The following BARD1 variants were observed in gnomAD, a reference collection of about 807,000 sequenced individuals.
BARD1 encodes the protein BRCA1-associated RING domain protein 1.
Under a neutral mutation model 77.0 loss-of-function variants are expected in BARD1, and 73 were observed. The observed-to-expected ratio is 0.95, with a 90% confidence interval of 0.79 to 1.15. BARD1 has a LOEUF of 1.15. Among genes scored for constraint, BARD1 ranks in the 50% most tolerant of loss-of-function variants. The pLI is 0.00. For synonymous variants in BARD1, 384 were observed against 338.0 expected, an observed-to-expected ratio of 1.14 and a Z score of -1.49; for missense variants, 993 against 938.8, an observed-to-expected ratio of 1.06 and a Z score of -0.75.
In BARD1 at chr2:214,807,886, C is replaced by A. The variant is rs568576253; in HGVS notation, c.158+1526G>T. ...TTTCGTTGGACTATCAAGGTGTGAA[C>A]TATAATGCTTCTGTTATTGCAACTA... On this transcript the variant is annotated intron_variant, in intron 1 of 10. Transcript: ENST00000260947. Among the ~76,000 whole-genome samples the A allele has an allele frequency of 1.8e-4, 27 of 152,266 alleles. 1 individual carries two copies. In the South Asian group the frequency reaches 5.6e-3, roughly 32 times the overall value.
chr2:214,728,849 C>A lies in BARD1; in HGVS notation c.2161G>T (p.Ala721Ser), dbSNP rs554708247. Residue 721 changes from alanine (A) to serine (S), a missense_variant, in exon 11 of 11, where the codon GCA becomes TCA. Physicochemically the swap from Ala to Ser is moderately conservative, Grantham distance 99. Transcript: ENST00000260947. Reference protein sequence around the residue: ...SDVTQTINTVAYHARPDSDQR... With the variant: ...SDVTQTINTVSYHARPDSDQR... ...TCAGAATCGGGTCTCGCATGGTATGCGACTGTATTGATGGTCTGAGTCACG... is the reference window on the plus strand; with the variant it reads ...TCAGAATCGGGTCTCGCATGGTATGAGACTGTATTGATGGTCTGAGTCACG... 4 of 1,614,146 alleles carry A rather than the reference C, an allele frequency of 2.5e-6. No homozygotes were observed. Among genetic ancestry groups the A allele is most frequent in the Non-Finnish European group, 3.4e-6 (4 of 1,180,026 alleles).
intron 6 of BARD1, among the ~76,000 whole-genome samples, chr2:214,767,153 T>A (rs1459495196): frequency 1.3e-5 from 2 of 152,182 alleles, no homozygotes; most frequent in African/African-American, 4.8e-5. Context: ...AAAAACATGA[T>A]CTCATTCTTT....
At chr2:214,794,148 A>G (rs939651026) in intron 2 of BARD1, among the ~76,000 whole-genome samples, 1 of 152,046 alleles carries the variant, frequency 6.6e-6, no homozygotes, top group Admixed American at 6.6e-5. Context: ...AGCTACTCAG[A>G]AAGTGAGATT....
At chr2:214,751,117 G>GTATATA (rs1216095030) in intron 7 of BARD1, among the ~76,000 whole-genome samples, 3 of 16,284 alleles carry the variant, frequency 1.8e-4, no homozygotes, top group African/African-American at 4.8e-4. Flanking sequence ...GTGTGTGTGT[G>GTATATA]TATATATATA....
At chr2:214,779,832 C>T (rs545110397) in intron 4 of BARD1, among the ~76,000 whole-genome samples, 93 of 152,320 alleles carry the variant, frequency 6.1e-4, no homozygotes, top group Middle Eastern at 6.8e-3. Flanking sequence ...ACTTTCCTAA[C>T]ATTTGCATGA....
intron 3 of BARD1, 77 bp downstream of exon 3, chr2:214,792,220 T>A (rs1695547396): frequency 7.1e-7 from 1 of 1,410,210 alleles, no homozygotes; most frequent in Admixed American, 1.8e-5. Flanking sequence ...AGATAGATGT[T>A]TTATATACTT....
In BARD1 at chr2:214,730,521, C is replaced by T; in HGVS notation, c.1904-13G>A. 1 of 1,605,686 alleles carries T rather than the reference C, an allele frequency of 6.2e-7. No homozygotes were observed. The highest frequency in any genetic ancestry group is 8.5e-7 in the Non-Finnish European group (1 of 1,172,494). On this transcript the variant is annotated splice_polypyrimidine_tract_variant and intron_variant, in intron 9 of 10. Coordinates refer to ENST00000260947, the MANE Select transcript of BARD1 (RefSeq NM_000465.4). Reference sequence around the variant, plus strand: ...CATGCTTTTACCCCTGACAAAAACACAAGAATTAAAGCAAACTAAGTATCA... The same window carrying T: ...CATGCTTTTACCCCTGACAAAAACATAAGAATTAAAGCAAACTAAGTATCA...
At chr2:214,730,256 C>T in intron 10 of BARD1, 155 bp downstream of exon 10, 2 of 691,284 alleles carry the variant, frequency 2.9e-6, no homozygotes, top group East Asian at 2.7e-5. Context: ...TACTGCTCAT[C>T]GTGATCATCT....
intron 2 of BARD1, among the ~76,000 whole-genome samples, chr2:214,795,849 T>A (rs1365988075): frequency 2.0e-5 from 3 of 152,088 alleles, no homozygotes; most frequent in African/African-American, 7.2e-5. Flanking sequence ...AACTTTAAAA[T>A]GCCTTTTCTT....
chr2:214,748,669 T>C (rs182763329), intron 7 of BARD1, among the ~76,000 whole-genome samples: 1 of 152,102 alleles, frequency 6.6e-6, no homozygotes, highest in Admixed American at 6.5e-5. Flanking sequence ...GCCACTAAAT[T>C]TTACTTAAAA....
chr2:214,781,438 A>G lies in BARD1; in HGVS notation c.436T>C (p.Trp146Arg). Reference sequence around the variant, plus strand: ...ACTTTCTTACTTCGAGGGCTAAACCACATTTTAATTGAATTCTTCTTGTTT... The same window carrying G: ...ACTTTCTTACTTCGAGGGCTAAACCGCATTTTAATTGAATTCTTCTTGTTT... ...AGNKKNSIKM[W>R]FSPRSKKVRY... Residue 146 changes from tryptophan to arginine, a missense_variant, in exon 4 of 11, where the codon TGG becomes CGG. Transcript: ENST00000260947. 6.2e-7 allele frequency: 1 copy of G among 1,613,484 alleles called. No individual in the cohort carries two copies. The highest frequency in any genetic ancestry group is 1.1e-5 in the South Asian group (1 of 90,986).
intron 6 of BARD1, among the ~76,000 whole-genome samples, chr2:214,754,595 T>G (rs114542903): frequency 0.014 from 2,156 of 152,226 alleles, 12 homozygotes; most frequent in Middle Eastern, 0.027. Flanking sequence ...AAACCAAAAA[T>G]CAGCCAGTAA....
At chr2:214,761,496 C>T (rs187951485) in intron 6 of BARD1, among the ~76,000 whole-genome samples, 1 of 152,196 alleles carries the variant, frequency 6.6e-6, no homozygotes, top group East Asian at 1.9e-4. Flanking sequence ...CCCAGGAATA[C>T]AAGCATTATT....
At chr2:214,776,130 C>G (rs1694727592) in intron 4 of BARD1, among the ~76,000 whole-genome samples, 1 of 152,122 alleles carries the variant, frequency 6.6e-6, no homozygotes, top group Non-Finnish European at 1.5e-5. Flanking sequence ...GGCATGCCAG[C>G]TTCAAGCCAT....
chr2:214,734,872 T>C lies in BARD1; in HGVS notation c.1904-4364A>G, dbSNP rs186600422. On this transcript the variant is annotated intron_variant, in intron 9 of 10. Transcript: ENST00000260947. ...AAAAGTACTTGTATCCTTCCCCAAATCCAGCAAGAGTAGTATAGTCAATGC... is the reference window on the plus strand; with the variant it reads ...AAAAGTACTTGTATCCTTCCCCAAACCCAGCAAGAGTAGTATAGTCAATGC... 3.9e-3 allele frequency among the ~76,000 whole-genome samples: 588 copies of C among 152,272 alleles called. 7 individuals carry two copies. Among genetic ancestry groups the C allele is most frequent in the African/African-American group, 0.013 (559 of 41,576 alleles).
At chr2:214,792,061 A>G (rs1297429212) in intron 3 of BARD1, among the ~76,000 whole-genome samples, 1 of 151,550 alleles carries the variant, frequency 6.6e-6, no homozygotes, top group Non-Finnish European at 1.5e-5. Flanking sequence ...TGTCACATGC[A>G]TGTACCAGGG....
chr2:214,786,517 A>G (rs1326612713), intron 3 of BARD1, among the ~76,000 whole-genome samples: 5 of 151,978 alleles, frequency 3.3e-5, no homozygotes, highest in African/African-American at 1.2e-4. Context: ...CCTATCTTCA[A>G]AAATATATTT....
At chr2:214,746,222 A>G (rs951708334) in intron 7 of BARD1, among the ~76,000 whole-genome samples, 3 of 152,182 alleles carry the variant, frequency 2.0e-5, no homozygotes, top group African/African-American at 7.2e-5. Flanking sequence ...ACTTGTCCCA[A>G]TAGAGTTAAA....
At chr2:214,744,486 G>A (rs1198269292) in intron 9 of BARD1, among the ~76,000 whole-genome samples, 2 of 152,080 alleles carry the variant, frequency 1.3e-5, no homozygotes, top group African/African-American at 2.4e-5. Context: ...AACATGAATC[G>A]CTTAGGCTTA....
Sources: allele counts gnomAD v4.1 joint callset (sites outside exome capture counted in the v4.1 genomes callset), GRCh38; gene constraint gnomAD v4.1.1; transcripts MANE v1.5; gene names NCBI Gene and HGNC (gene_info 2026-07-23, HGNC 2026-07-21).